Variants in IKZF1 observed in about 807,000 individuals in gnomAD.
IKZF1 encodes DNA-binding protein Ikaros.
IKZF1 carries 10 observed loss-of-function variants against 51.7 expected under a neutral mutation model. The observed-to-expected ratio is 0.19, with a 90% confidence interval of 0.12 to 0.33. The LOEUF is 0.33. IKZF1 is among the 10% of genes least tolerant of loss of function. The pLI is 1.00. For synonymous variants in IKZF1, 280 were observed against 282.3 expected, an observed-to-expected ratio of 0.99 and a Z score of 0.08; for missense variants, 484 against 707.5, an observed-to-expected ratio of 0.68 and a Z score of 3.58.
chr7:50,344,073 G>A (rs1217163884), intron 3 of IKZF1, among the ~76,000 whole-genome samples: 1 of 152,174 alleles, frequency 6.6e-6, no homozygotes, highest in Non-Finnish European at 1.5e-5. Flanking sequence ...AGCCCAGCTT[G>A]TTGTAAAAGA....
chr7:50,396,460 C>G (rs1445062409), intron 7 of IKZF1, among the ~76,000 whole-genome samples: 1 of 152,106 alleles, frequency 6.6e-6, no homozygotes, highest in Non-Finnish European at 1.5e-5. Flanking sequence ...ATTTTGAATA[C>G]TTTTAAAATT....
chr7:50,349,484 A>G (rs995886044), intron 3 of IKZF1, among the ~76,000 whole-genome samples: 10 of 152,164 alleles, frequency 6.6e-5, no homozygotes, highest in Admixed American at 6.5e-5. Flanking sequence ...ATGGATGGGG[A>G]AAAGGAACAG....
rs754640737 is a variant in IKZF1 at position 50,327,649 on chromosome 7, C to A, written c.52C>A (p.Pro18Thr). Residue 18 changes from proline (P) to threonine (T), a missense_variant, in exon 3 of 8, where the codon CCC (proline) becomes ACC (threonine). By Grantham distance (38) the Pro-to-Thr change is conservative. Transcript: ENST00000331340. ...DMSQVSGKES[P>T]PVSDTPDEGD... is the part of the protein sequence containing the mutation. ...TTCTTTCTCATCAGGGAAGGAAAGC[C>A]CCCCTGTAAGCGATACTCCAGATGA... 12 of 1,612,362 alleles carry A rather than the reference C, an allele frequency of 7.4e-6. No homozygotes were observed. Among genetic ancestry groups the A allele is most frequent in the East Asian group, 2.2e-5 (1 of 44,816 alleles).
At chr7:50,399,736 GTGCAGGTGTGATGTGTC>G (rs2153517170) in intron 7 of IKZF1, among the ~76,000 whole-genome samples, 165 bp from the exon 8 acceptor site, 1 of 152,312 alleles carries the variant, frequency 6.6e-6, no homozygotes, top group Admixed American at 6.5e-5. Context: ...CGTCAGTATG[GTGCAGGTGTGATGTGTC>G]CGCAGGTGTG....
At chr7:50,349,898 G>A (rs1276398576) in intron 3 of IKZF1, among the ~76,000 whole-genome samples, 1 of 152,208 alleles carries the variant, frequency 6.6e-6, no homozygotes, top group South Asian at 2.1e-4. Flanking sequence ...TCCATGCAAA[G>A]TTTCAGTCAA....
intron 3 of IKZF1, among the ~76,000 whole-genome samples, chr7:50,348,027 G>A (rs1426327434): frequency 2.0e-5 from 3 of 152,114 alleles, no homozygotes; most frequent in Admixed American, 6.5e-5. Context: ...GCCATGCAGG[G>A]GACCAAGGGA....
chr7:50,322,726 C>T (rs1032038050), intron 2 of IKZF1, among the ~76,000 whole-genome samples: 1 of 152,114 alleles, frequency 6.6e-6, no homozygotes, highest in Non-Finnish European at 1.5e-5. Flanking sequence ...AAGAGTCAGC[C>T]GGTGGGAAAG....
At chr7:50,340,311 G>A (rs1252072043) in intron 3 of IKZF1, among the ~76,000 whole-genome samples, 6 of 152,342 alleles carry the variant, frequency 3.9e-5, no homozygotes, top group Admixed American at 3.3e-4. Context: ...TCTCCGCAAG[G>A]CCTGCTGCCA....
intron 3 of IKZF1, chr7:50,328,473 G>A (rs984305754): frequency 3.3e-5 from 5 of 152,246 alleles, no homozygotes; most frequent in South Asian, 2.1e-4. Context: ...ACTAGTTCTC[G>A]CTCCATTATA....
chr7:50,367,929 A>T, intron 3 of IKZF1: 1 of 607,344 alleles, frequency 1.6e-6, no homozygotes, highest in Non-Finnish European at 2.9e-6. Context: ...AAAAAAAAGT[A>T]ATGCTTTCTG....
At chr7:50,394,119 G>A (rs1212790348) in intron 7 of IKZF1, among the ~76,000 whole-genome samples, 3 of 152,208 alleles carry the variant, frequency 2.0e-5, no homozygotes, top group Non-Finnish European at 2.9e-5. Flanking sequence ...GAGGCAAAGC[G>A]AAGATGAAAA....
At chr7:50,330,490 GGAAGT>G (rs1796220263) in intron 3 of IKZF1, among the ~76,000 whole-genome samples, 1 of 152,160 alleles carries the variant, frequency 6.6e-6, no homozygotes, top group Admixed American at 6.5e-5. Flanking sequence ...CTTGAGAAGA[GGAAGT>G]GAAGGAGGGA....
At chr7:50,317,188 T>C (rs777986051) in intron 1 of IKZF1, among the ~76,000 whole-genome samples, 1 of 152,208 alleles carries the variant, frequency 6.6e-6, no homozygotes, top group African/African-American at 2.4e-5. Flanking sequence ...ATTCTAAAAA[T>C]TTCGTGTTGT....
At chr7:50,322,299 A>G (rs1793587314) in intron 2 of IKZF1, among the ~76,000 whole-genome samples, 1 of 152,246 alleles carries the variant, frequency 6.6e-6, no homozygotes, top group East Asian at 1.9e-4. Context: ...TTCCTAAATC[A>G]TCCTCTTTTC....
chr7:50,391,267 TCTTGGGGGCCA>T, intron 6 of IKZF1, among the ~76,000 whole-genome samples: 1 of 152,324 alleles, frequency 6.6e-6, no homozygotes, highest in East Asian at 1.9e-4. Context: ...TGCTGTAGGC[TCTTGGGGGCCA>T]CATTTTTGTA....
At chr7:50,373,072 G>T (rs1809189337) in intron 3 of IKZF1, among the ~76,000 whole-genome samples, 1 of 152,198 alleles carries the variant, frequency 6.6e-6, no homozygotes. Context: ...ATGAGTGGCT[G>T]ATCTCCAGGC....
rs772036757 is a variant in IKZF1 at position 50,400,437 on chromosome 7, A to G, written c.1370A>G (p.Glu457Gly). ...CTCCGCGTGGTCAGCACCAGCGGGG[A>G]GCAGATGAAGGTGTACAAGTGCGAA... ...DALRVVSTSG[E>G]QMKVYKCEHC... Residue 457 changes from glutamate (E) to glycine (G), a missense_variant, in exon 8 of 8, where the codon GAG (glutamate) becomes GGG (glycine). Physicochemically the swap from Glu to Gly is moderately conservative, Grantham distance 98. Coordinates refer to ENST00000331340, the MANE Select transcript of IKZF1 (RefSeq NM_006060.6). This position sits in a 1 kb window ranked among gnomAD's most constrained non-coding sequence, Gnocchi z 5.4. 2 of 1,613,528 alleles carry G rather than the reference A, an allele frequency of 1.2e-6. No homozygotes were observed. Among genetic ancestry groups the G allele is most frequent in the South Asian group, 1.1e-5 (1 of 91,072 alleles).
intron 2 of IKZF1, among the ~76,000 whole-genome samples, chr7:50,320,610 G>T (rs1160724991): frequency 6.6e-6 from 1 of 152,116 alleles, no homozygotes; most frequent in Admixed American, 6.5e-5. Context: ...GCCTCTATTA[G>T]CCTCTGTCCT....
chr7:50,392,182 G>A (rs116341609), intron 7 of IKZF1, among the ~76,000 whole-genome samples: 1,714 of 152,258 alleles, frequency 0.011, 37 homozygotes, highest in African/African-American at 0.04. Flanking sequence ...GCTCGTCCGG[G>A]GGACACCACA....
Sources: gnomAD v4.1 joint callset for allele counts (sites outside exome capture counted in the v4.1 genomes callset) on GRCh38, gnomAD v4.1.1 for gene constraint, Gnocchi (gnomAD v3.1) non-coding constraint, MANE v1.5 for transcripts, NCBI Gene and HGNC (gene_info 2026-07-23, HGNC 2026-07-21) for gene names.